The following VTI1A variants were observed in gnomAD, a reference collection of about 807,000 sequenced individuals.
VTI1A encodes the protein vesicle transport through interaction with t-SNAREs homolog 1A.
In VTI1A, 22 loss-of-function variants were observed where a neutral mutation model predicts 34.9. The ratio of observed to expected loss-of-function variants is 0.63; its 90% CI spans 0.45 to 0.90. The LOEUF (loss-of-function observed/expected upper bound fraction) is 0.90, where lower values mean the gene tolerates loss of function less well. VTI1A is among the 40% of genes least tolerant of loss of function. The pLI is 0.00. For missense variants in VTI1A, 268 were observed against 275.6 expected, an observed-to-expected ratio of 0.97 and a Z score of 0.20; for synonymous variants, 87 against 97.3, an observed-to-expected ratio of 0.89 and a Z score of 0.62.
intron 7 of VTI1A, among the ~76,000 whole-genome samples, chr10:112,742,067 T>C (rs1850712931): frequency 6.6e-6 from 1 of 152,244 alleles, no homozygotes; most frequent in Admixed American, 6.5e-5. Flanking sequence ...AAATCCTCTC[T>C]AGATTCCGTT....
chr10:112,598,090 A>G (rs1844736108), intron 5 of VTI1A, among the ~76,000 whole-genome samples: 1 of 152,206 alleles, frequency 6.6e-6, no homozygotes, highest in Non-Finnish European at 1.5e-5. Context: ...GGCCTGGTGC[A>G]TAGTAAATGC....
At position 112,518,670 on chromosome 10, in the gene VTI1A, C is replaced by T. The variant is rs1035453130; in HGVS notation, c.265-8417C>T. On this transcript the variant is annotated intron_variant, in intron 3 of 7. Transcript: ENST00000393077. ...ATACGTGTATATATATATATATATA[C>T]ACACACACACACATAACTTTTTAAA... Among the ~76,000 whole-genome samples, 128 of 118,682 alleles carry T rather than the reference C, an allele frequency of 1.1e-3. 1 individual carries two copies. Among genetic ancestry groups the T allele is most frequent in the Middle Eastern group, 4.7e-3 (1 of 214 alleles). The allele number at this position is 118,682 out of a possible 152,430, so 77.9% of individuals were successfully genotyped here. A position where few individuals can be genotyped will look rare whatever the true frequency, so the allele number is the denominator to read the frequency against.
At chr10:112,820,287 A>C (rs1449179576), downstream of VTI1A, among the ~76,000 whole-genome samples, 1 of 152,146 alleles carries the variant, frequency 6.6e-6, no homozygotes, top group East Asian at 1.9e-4. Flanking sequence ...GGAAGGAAGA[A>C]AGGAAGGAAG....
intron 3 of VTI1A, among the ~76,000 whole-genome samples, chr10:112,471,149 A>G (rs1307525408): frequency 1.3e-5 from 2 of 152,150 alleles, no homozygotes; most frequent in East Asian, 3.9e-4. Flanking sequence ...TTGGGGTGGC[A>G]TATTTTGGTT....
At chr10:112,569,800 G>A (rs781347384) in intron 5 of VTI1A, among the ~76,000 whole-genome samples, 1 of 152,186 alleles carries the variant, frequency 6.6e-6, no homozygotes, top group Non-Finnish European at 1.5e-5. Context: ...CTGGAGGTAT[G>A]GCCCAGGCAA....
chr10:112,749,910 G>A (rs898427662), intron 7 of VTI1A, among the ~76,000 whole-genome samples: 1 of 152,166 alleles, frequency 6.6e-6, no homozygotes, highest in Non-Finnish European at 1.5e-5. Context: ...GCTGTTAAGT[G>A]AACCATGCAC....
chr10:112,785,312 T>G (rs899595970), intron 7 of VTI1A, among the ~76,000 whole-genome samples: 2 of 152,306 alleles, frequency 1.3e-5, no homozygotes, highest in Middle Eastern at 3.4e-3. Context: ...CCAGAGGCAA[T>G]GCAGAGAAGC....
chr10:112,530,010 A>G (rs915741542), intron 4 of VTI1A, among the ~76,000 whole-genome samples: 7 of 152,174 alleles, frequency 4.6e-5, no homozygotes, highest in African/African-American at 1.7e-4. Context: ...TCTTAGGTAC[A>G]TAAACATTTC....
At chr10:112,732,642 G>A (rs1850305799) in intron 7 of VTI1A, among the ~76,000 whole-genome samples, 1 of 152,174 alleles carries the variant, frequency 6.6e-6, no homozygotes, top group African/African-American at 2.4e-5. Flanking sequence ...GGAAAGCAGG[G>A]ACTGTGGCTT....
chr10:112,634,164 A>G (rs1418490475), intron 5 of VTI1A: 6 of 154,448 alleles, frequency 3.9e-5, no homozygotes, highest in African/African-American at 1.4e-4. Flanking sequence ...ATGCATTTAG[A>G]ATTGACTTTG....
chr10:112,614,695 T>C (rs1022569161), intron 5 of VTI1A, among the ~76,000 whole-genome samples: 1 of 152,144 alleles, frequency 6.6e-6, no homozygotes, highest in Non-Finnish European at 1.5e-5. Flanking sequence ...ATGGGCCTGG[T>C]CAGTTGTGAA....
At chr10:112,810,311 G>A (rs931532166) in intron 7 of VTI1A, among the ~76,000 whole-genome samples, 5 of 149,616 alleles carry the variant, frequency 3.3e-5, no homozygotes, top group African/African-American at 4.9e-5. Context: ...GCTGAGGCAC[G>A]AGAATCACTT....
intron 7 of VTI1A, among the ~76,000 whole-genome samples, chr10:112,794,769 A>G (rs1852616105): frequency 6.6e-6 from 1 of 152,134 alleles, no homozygotes; most frequent in South Asian, 2.1e-4. Flanking sequence ...AGTGGTCCTA[A>G]TGATGACTAG....
At chr10:112,720,787 G>A (rs1849776767) in intron 7 of VTI1A, among the ~76,000 whole-genome samples, 1 of 152,162 alleles carries the variant, frequency 6.6e-6, no homozygotes, top group South Asian at 2.1e-4. Flanking sequence ...AGATCAGCTT[G>A]TCTAATTAAC....
At chr10:112,832,253 G>A in the VTI1A span, 1 of 152,142 alleles carries the variant, frequency 6.6e-6, no homozygotes, top group Admixed American at 6.6e-5. Context: ...TGGTAGGTCG[G>A]ATTACACTCG....
At chr10:112,648,145 G>A (rs1191771888) in intron 5 of VTI1A, among the ~76,000 whole-genome samples, 2 of 152,216 alleles carry the variant, frequency 1.3e-5, no homozygotes, top group Non-Finnish European at 2.9e-5. Context: ...GATTGATTTG[G>A]TAGCTTTTTA....
chr10:112,578,497 G>A (rs1843797309), intron 5 of VTI1A, among the ~76,000 whole-genome samples: 1 of 152,204 alleles, frequency 6.6e-6, no homozygotes. Context: ...TGTTTTCATT[G>A]AGTAGCCAGT....
intron 7 of VTI1A, among the ~76,000 whole-genome samples, chr10:112,687,930 C>T (rs1306834645): frequency 2.6e-5 from 4 of 151,238 alleles, no homozygotes; most frequent in African/African-American, 9.7e-5. Context: ...ATGGAACCAT[C>T]CTGGCCGGTG....
At chr10:112,673,557 C>T (rs924125559) in intron 7 of VTI1A, among the ~76,000 whole-genome samples, 33 of 152,110 alleles carry the variant, frequency 2.2e-4, no homozygotes, top group African/African-American at 7.2e-4. Flanking sequence ...CTTCCTTATG[C>T]GTGGAGCTGC....
Sources: allele counts gnomAD v4.1 joint callset (sites outside exome capture counted in the v4.1 genomes callset), GRCh38; gene constraint gnomAD v4.1.1; transcripts MANE v1.5; gene names NCBI Gene and HGNC (gene_info 2026-07-23, HGNC 2026-07-21).